Variants in SLC8A1 observed in about 807,000 individuals in gnomAD.
The protein encoded by SLC8A1 is solute carrier family 8 member A1.
In SLC8A1, 18 loss-of-function variants were observed where a neutral mutation model predicts 68.3. The ratio of observed to expected loss-of-function variants is 0.26; its 90% confidence interval spans 0.18 to 0.39. SLC8A1 has a LOEUF of 0.39. Ranked by LOEUF, SLC8A1 falls within the 10% of genes least tolerant of loss-of-function variation. SLC8A1 has a pLI of 1.00. For missense variants in SLC8A1, 985 were observed against 1,156.7 expected, an observed-to-expected ratio of 0.85 and a Z score of 2.15; for synonymous variants, 475 against 415.5, an observed-to-expected ratio of 1.14 and a Z score of -1.74.
chr2:40,141,957 C>G (rs969067931), intron 6 of SLC8A1, among the ~76,000 whole-genome samples: 14 of 152,112 alleles, frequency 9.2e-5, no homozygotes, highest in African/African-American at 3.4e-4. Context: ...AGAAATCGAA[C>G]CTGCCAACAC....
rs557951362 is a variant in SLC8A1, at chr2:40,274,487, G to A, written c.1809-96632C>T. On this transcript the variant is annotated intron_variant, in intron 2 of 7. Coordinates refer to ENST00000406785, the Ensembl canonical transcript of SLC8A1. ...GAGCATGCCAGAGAAACCGTTTAAC[G>A]CTTGTGTGTAGGATGGGGATCTGCC... 7.2e-5 allele frequency among the ~76,000 whole-genome samples: 11 copies of A among 152,168 alleles called. No individual in the cohort carries two copies. The East Asian group carries it at 1.2e-3, about 16-fold the overall frequency.
chr2:40,473,452 G>T (rs564767363), intron 1 of SLC8A1, among the ~76,000 whole-genome samples: 1 of 152,000 alleles, frequency 6.6e-6, no homozygotes, highest in South Asian at 2.1e-4. Flanking sequence ...TTTCTCCATA[G>T]CACATAACAG....
chr2:40,230,683 T>C (rs1375743798), intron 2 of SLC8A1, among the ~76,000 whole-genome samples: 4 of 152,238 alleles, frequency 2.6e-5, no homozygotes, highest in African/African-American at 4.8e-5. Context: ...TGGATATTCA[T>C]GTAAAATTTA....
intron 1 of SLC8A1, among the ~76,000 whole-genome samples, chr2:40,483,135 G>A (rs1326964326): frequency 6.6e-6 from 1 of 151,668 alleles, no homozygotes; most frequent in Non-Finnish European, 1.5e-5. Context: ...ATGAACTAAA[G>A]TGCTGAAGAC....
rs374789500 is a variant in SLC8A1 at position 40,352,752 on chromosome 2, G to C, written c.1808+75721C>G. Reference sequence around the variant, plus strand: ...TTAGTCAGTAAAATGATTTTTTTCCGAACAAGTTGACTGCTTTCAGAAGTA... The same window carrying C: ...TTAGTCAGTAAAATGATTTTTTTCCCAACAAGTTGACTGCTTTCAGAAGTA... On this transcript the variant is annotated intron_variant, in intron 2 of 7. Transcript: ENST00000406785. 7.2e-4 allele frequency among the ~76,000 whole-genome samples: 109 copies of C among 152,166 alleles called. 3 individuals carry two copies. Among genetic ancestry groups the C allele is most frequent in the African/African-American group, 2.6e-3 (108 of 41,530 alleles).
At chr2:40,467,788 T>G (rs1335513153) in intron 1 of SLC8A1, among the ~76,000 whole-genome samples, 1 of 152,192 alleles carries the variant, frequency 6.6e-6, no homozygotes, top group African/African-American at 2.4e-5. Context: ...TCACCATCCT[T>G]ATCTATTACA....
At chr2:40,299,644 T>C (rs1206918660) in intron 2 of SLC8A1, among the ~76,000 whole-genome samples, 1 of 152,160 alleles carries the variant, frequency 6.6e-6, no homozygotes, top group Non-Finnish European at 1.5e-5. Context: ...GACTGGGTTC[T>C]TTGCCTAAAT....
chr2:40,231,256 G>C (rs1038383025), intron 2 of SLC8A1, among the ~76,000 whole-genome samples: 2 of 152,174 alleles, frequency 1.3e-5, no homozygotes, highest in Non-Finnish European at 2.9e-5. Context: ...ATTCTGAAGA[G>C]TGTAATATAT....
intron 1 of SLC8A1, among the ~76,000 whole-genome samples, chr2:40,500,121 C>A (rs1039154428): frequency 6.6e-6 from 1 of 151,904 alleles, no homozygotes; most frequent in Admixed American, 6.6e-5. Flanking sequence ...TATTGGCCAA[C>A]TTTTTAAAAA....
chr2:40,312,809 G>T (rs1248994527), intron 2 of SLC8A1, among the ~76,000 whole-genome samples: 2 of 152,058 alleles, frequency 1.3e-5, no homozygotes, highest in South Asian at 4.2e-4. Flanking sequence ...GTTTTAAATT[G>T]TATATTCTTT....
In SLC8A1 at chr2:40,375,466, T is replaced by C. The variant is rs138502759; in HGVS notation, c.1808+53007A>G. The stretch of plus-strand genomic sequence containing the variant: ...AGCTCATTTTAAAAAATAAGCATTT[T>C]AATTGGATAGTTTTATTAGAAGAAT... On this transcript the variant is annotated intron_variant, in intron 2 of 7. Coordinates refer to ENST00000406785, the Ensembl canonical transcript of SLC8A1. Among the ~76,000 whole-genome samples, 3 of 152,244 alleles carry C rather than the reference T, an allele frequency of 2.0e-5. No individual in the cohort carries two copies. The East Asian group carries it at 5.8e-4, about 30-fold the overall frequency.
At chr2:40,294,838 A>T (rs934404835) in intron 2 of SLC8A1, among the ~76,000 whole-genome samples, 3 of 152,248 alleles carry the variant, frequency 2.0e-5, no homozygotes, top group African/African-American at 4.8e-5. Context: ...CCTAACAATT[A>T]AAACATGTTA....
At chr2:40,160,944 C>G (rs553443405) in intron 5 of SLC8A1, 80 bp from the exon 9 acceptor site, 1 of 993,948 alleles carries the variant, frequency 1.0e-6, no homozygotes, top group Non-Finnish European at 1.6e-6. Flanking sequence ...GATTTTGAAA[C>G]TCCAGAGTTA....
chr2:40,159,769 T>A (rs1328709062), intron 6 of SLC8A1, among the ~76,000 whole-genome samples: 2 of 152,112 alleles, frequency 1.3e-5, no homozygotes, highest in Non-Finnish European at 2.9e-5. Flanking sequence ...CAAAGCAAGA[T>A]TATAAACACA....
intron 2 of SLC8A1, among the ~76,000 whole-genome samples, chr2:40,247,308 C>T (rs977885408): frequency 2.0e-5 from 3 of 152,166 alleles, no homozygotes; most frequent in Admixed American, 2.0e-4. Context: ...TCCTGAACAG[C>T]CAGGCTCTAG....
chr2:40,135,097 A>G (rs1252650740), intron 7 of SLC8A1, among the ~76,000 whole-genome samples: 6 of 152,106 alleles, frequency 3.9e-5, no homozygotes, highest in African/African-American at 1.2e-4. Context: ...TGGTGTGTGG[A>G]TAGAAAAAAA....
At position 40,349,543 on chromosome 2, in the gene SLC8A1, C is replaced by A. The variant is rs74520415; in HGVS notation, c.1808+78930G>T. On this transcript the variant is annotated intron_variant, in intron 2 of 7. Transcript: ENST00000406785. ...GGGTAAGTTCCTCTCTGCACCTCAG[C>A]TGTTTTCTCTGTGAAATGGGGTTAA... 9.1e-3 allele frequency among the ~76,000 whole-genome samples: 1,379 copies of A among 152,260 alleles called. 26 individuals are homozygous for A. The highest frequency in any genetic ancestry group is 0.031 in the African/African-American group (1,302 of 41,558).
At chr2:40,417,354 C>T (rs1260693593) in intron 2 of SLC8A1, among the ~76,000 whole-genome samples, 1 of 152,024 alleles carries the variant, frequency 6.6e-6, no homozygotes, top group Non-Finnish European at 1.5e-5. Context: ...AAGGTTGGCC[C>T]AGGAGACATC....
chr2:40,402,658 G>A (rs567176401), intron 2 of SLC8A1, among the ~76,000 whole-genome samples: 12 of 152,126 alleles, frequency 7.9e-5, no homozygotes, highest in African/African-American at 2.4e-4. Flanking sequence ...TGGATTAATC[G>A]CCACATTTTC....
Sources: gnomAD v4.1 joint callset for allele counts (sites outside exome capture counted in the v4.1 genomes callset) on GRCh38, gnomAD v4.1.1 for gene constraint, MANE v1.5 for transcripts, NCBI Gene and HGNC (gene_info 2026-07-23, HGNC 2026-07-21) for gene names.